HIPK2: variants seen among roughly 807,000 people sequenced by gnomAD.
HIPK2 encodes homeodomain-interacting protein kinase 2.
A neutral mutation model predicts 113.7 loss-of-function variants in HIPK2; 27 were observed. That is an observed-to-expected ratio of 0.24 (90% CI 0.17 to 0.33). The LOEUF (loss-of-function observed/expected upper bound fraction) is 0.33. HIPK2 is among the 10% of genes least tolerant of loss of function. HIPK2 has a pLI of 1.00. For missense variants in HIPK2, 1,257 were observed against 1,588.0 expected, an observed-to-expected ratio of 0.79 and a Z score of 3.54; for synonymous variants, 631 against 642.2, an observed-to-expected ratio of 0.98 and a Z score of 0.26.
At chr7:139,737,328 A>G (rs978631048) in intron 1 of HIPK2, among the ~76,000 whole-genome samples, 3 of 152,162 alleles carry the variant, frequency 2.0e-5, no homozygotes, top group African/African-American at 7.2e-5. Flanking sequence ...CCCAGCTTTT[A>G]CACCCACAAA....
At chr7:139,638,820 G>C (rs1302617084) in intron 2 of HIPK2, among the ~76,000 whole-genome samples, 1 of 151,946 alleles carries the variant, frequency 6.6e-6, no homozygotes, top group Non-Finnish European at 1.5e-5. Context: ...ACCATGCCCG[G>C]CTAATTTTTC....
intron 2 of HIPK2, among the ~76,000 whole-genome samples, chr7:139,706,483 AG>A (rs371767951): frequency 1.3e-5 from 2 of 152,214 alleles, no homozygotes; most frequent in African/African-American, 4.8e-5. Flanking sequence ...TAATGCATGC[AG>A]GCATTCGGTC....
At chr7:139,607,209 G>A (rs1238583796) in intron 9 of HIPK2, among the ~76,000 whole-genome samples, 1 of 151,542 alleles carries the variant, frequency 6.6e-6, no homozygotes, top group Non-Finnish European at 1.5e-5. Context: ...AGGAAATAGA[G>A]GGGAAAAAAA....
chr7:139,660,032 G>A (rs764746670), intron 2 of HIPK2, among the ~76,000 whole-genome samples: 18 of 152,144 alleles, frequency 1.2e-4, no homozygotes, highest in Admixed American at 1.1e-3. Flanking sequence ...ACCTTTGGGC[G>A]GGTTGTTTTG....
At chr7:139,599,864 C>A (rs1443785939) in intron 11 of HIPK2, among the ~76,000 whole-genome samples, 2 of 152,166 alleles carry the variant, frequency 1.3e-5, no homozygotes, top group African/African-American at 4.8e-5. Flanking sequence ...CTAGGTCTAA[C>A]TGTGCACTCT....
At chr7:139,645,596 G>A (rs1366012493) in intron 2 of HIPK2, among the ~76,000 whole-genome samples, 1 of 152,184 alleles carries the variant, frequency 6.6e-6, no homozygotes, top group Non-Finnish European at 1.5e-5. Context: ...ACTCCTGGCC[G>A]ATGGAGTAGG....
intron 1 of HIPK2, among the ~76,000 whole-genome samples, chr7:139,775,993 A>T (rs1796735181): frequency 6.6e-6 from 1 of 152,164 alleles, no homozygotes; most frequent in African/African-American, 2.4e-5. Context: ...GGGAGTCTCA[A>T]GGAGGTACTT....
chr7:139,586,166 CTCT>C (rs1798826545), intron 12 of HIPK2, among the ~76,000 whole-genome samples: 1 of 152,184 alleles, frequency 6.6e-6, no homozygotes. Flanking sequence ...ATATTTATGG[CTCT>C]TCATGTTAAC....
At chr7:139,699,334 G>A (rs1167826783) in intron 2 of HIPK2, among the ~76,000 whole-genome samples, 5 of 152,080 alleles carry the variant, frequency 3.3e-5, no homozygotes, top group Admixed American at 6.5e-5. Context: ...CAATCCTCAC[G>A]CTGTGCAGGC....
intron 11 of HIPK2, among the ~76,000 whole-genome samples, chr7:139,598,185 C>T (rs534184904): frequency 2.2e-4 from 34 of 152,284 alleles, no homozygotes; most frequent in Middle Eastern, 3.4e-3. Context: ...ATTAGGGATG[C>T]TCAACCTGTA....
At chr7:139,615,252 A>C (rs887047290) in intron 7 of HIPK2, among the ~76,000 whole-genome samples, 24 of 152,228 alleles carry the variant, frequency 1.6e-4, no homozygotes, top group Non-Finnish European at 4.4e-5. Context: ...GATGGCTGCA[A>C]AGCTTAGAGA....
At chr7:139,731,444 T>C (rs533899020) in intron 1 of HIPK2, among the ~76,000 whole-genome samples, 6 of 152,364 alleles carry the variant, frequency 3.9e-5, no homozygotes, top group African/African-American at 1.4e-4. Context: ...TTCTCATCAG[T>C]GACGTCCACA....
intron 2 of HIPK2, among the ~76,000 whole-genome samples, chr7:139,679,739 C>G (rs1272796487): frequency 6.6e-6 from 1 of 152,128 alleles, no homozygotes; most frequent in Non-Finnish European, 1.5e-5. Flanking sequence ...TTCTTCATTT[C>G]TGCCTCCTTG....
chr7:139,583,464 A>G (rs1798734994), intron 13 of HIPK2: 1 of 190,428 alleles, frequency 5.3e-6, no homozygotes, highest in Non-Finnish European at 1.1e-5. Context: ...CCTGGCAGAG[A>G]GTGGTGCTAG....
Position 139,573,392 on chromosome 7 carries a change from C to A in HIPK2, c.3132G>T (p.Gln1044His). The A allele has an allele frequency of 6.2e-7, 1 of 1,602,622 alleles. No homozygotes were observed. The change falls in exon 15 of 15, where the codon CAG becomes CAT. Residue 1044 changes from glutamine to histidine, a missense_variant. By Grantham distance (24) the Gln-to-His change is conservative. Transcript: ENST00000406875. ...QQQPLNLSQA[Q>H]QHITTDRTGS... ...CAGTGCGGTCCGTGGTGATGTGCTG[C>A]TGAGCCTGGGGAGGAGAGGCACCAA...
At chr7:139,660,284 A>C (rs114307342) in intron 2 of HIPK2, among the ~76,000 whole-genome samples, 3,718 of 152,280 alleles carry the variant, frequency 0.024, 157 homozygotes, top group African/African-American at 0.085. Flanking sequence ...AAGTAAAAAC[A>C]ACCAATTTTT....
intron 2 of HIPK2, among the ~76,000 whole-genome samples, chr7:139,661,717 A>C (rs73486021): frequency 0.12 from 17,548 of 152,164 alleles, 1,128 homozygotes; most frequent in African/African-American, 0.17. Flanking sequence ...CACACACACA[A>C]AAAAATCTCA....
At chr7:139,767,054 G>C (rs952179099) in intron 1 of HIPK2, among the ~76,000 whole-genome samples, 5 of 152,214 alleles carry the variant, frequency 3.3e-5, no homozygotes, top group Non-Finnish European at 7.3e-5. Context: ...TGCGAAGAAT[G>C]CTAAGGCCAG....
intron 2 of HIPK2, among the ~76,000 whole-genome samples, chr7:139,675,023 G>A (rs959302717): frequency 6.6e-6 from 1 of 152,200 alleles, no homozygotes; most frequent in African/African-American, 2.4e-5. Context: ...CGTCTTGATT[G>A]TATTTATGCT....
Sources: gnomAD v4.1 joint callset for allele counts (sites outside exome capture counted in the v4.1 genomes callset) on GRCh38, gnomAD v4.1.1 for gene constraint, MANE v1.5 for transcripts, NCBI Gene and HGNC (gene_info 2026-07-23, HGNC 2026-07-21) for gene names.